The following STK32B variants were observed in gnomAD, a reference collection of about 807,000 sequenced individuals.
STK32B encodes serine/threonine kinase 32B.
Under a neutral mutation model 52.6 loss-of-function variants are expected in STK32B, and 43 were observed. The observed-to-expected ratio is 0.82, with a 90% CI of 0.64 to 1.05. The LOEUF is 1.05. STK32B is among the 50% of genes least tolerant of loss of function. The pLI, the probability that STK32B is intolerant of heterozygous loss-of-function variation, is 0.00. For synonymous variants in STK32B, 238 were observed against 204.3 expected (o/e 1.17, Z -1.41); for missense variants, 621 against 534.6 (o/e 1.16, Z -1.59).
intron 3 of STK32B, among the ~76,000 whole-genome samples, chr4:5,306,934 CTG>C (rs1317537168): frequency 1.3e-5 from 2 of 151,960 alleles, no homozygotes; most frequent in East Asian, 3.9e-4. Flanking sequence ...TGGCTGAAAA[CTG>C]TTTTGTTTAA....
chr4:5,063,074 G>A (rs1232468767), intron 1 of STK32B, among the ~76,000 whole-genome samples: 1 of 152,022 alleles, frequency 6.6e-6, no homozygotes, highest in Non-Finnish European at 1.5e-5. Context: ...TATGTCTCCT[G>A]TTGCATATAT....
At chr4:5,409,292 G>A (rs1380652894) in intron 5 of STK32B, among the ~76,000 whole-genome samples, 5 of 152,104 alleles carry the variant, frequency 3.3e-5, no homozygotes, top group Non-Finnish European at 7.3e-5. Context: ...AGGATGCTAA[G>A]TGTGAGAATC....
Position 5,400,446 on chromosome 4 carries a change from G to A in STK32B, c.472+2202G>A, listed in dbSNP as rs1304364865. On this transcript the variant is annotated intron_variant, in intron 5 of 11. Transcript: ENST00000282908. The surrounding 1 kb of genome is among the most constrained non-coding windows in gnomAD (Gnocchi z 6.1). ...CCCAGCCCTGCCTTCTGGCTATGCA[G>A]CACCCCACACACTCCCCAAGTGCCC... Among the ~76,000 whole-genome samples, 3 of 152,002 alleles carry A rather than the reference G, an allele frequency of 2.0e-5. No individual in the cohort carries two copies. The highest frequency in any genetic ancestry group is 7.2e-5 in the African/African-American group (3 of 41,390).
At chr4:5,455,069 G>A (rs1481239574) in intron 7 of STK32B, among the ~76,000 whole-genome samples, 1 of 152,094 alleles carries the variant, frequency 6.6e-6, no homozygotes, top group African/African-American at 2.4e-5. Context: ...TGCCACTCAG[G>A]AAAAAAAGCT....
chr4:5,325,998 G>GC (rs1731850208), intron 3 of STK32B, among the ~76,000 whole-genome samples: 1 of 152,196 alleles, frequency 6.6e-6, no homozygotes, highest in African/African-American at 2.4e-5. Flanking sequence ...TGGATCTGCA[G>GC]CAAGAAAAAG....
intron 3 of STK32B, among the ~76,000 whole-genome samples, chr4:5,240,757 G>T (rs954931001): frequency 3.9e-5 from 6 of 152,268 alleles, no homozygotes; most frequent in Admixed American, 3.9e-4. Flanking sequence ...ACTGTTCCTG[G>T]CTTAATACAG....
intron 6 of STK32B, among the ~76,000 whole-genome samples, chr4:5,437,336 G>T (rs4689233): frequency 0.094 from 14,280 of 152,316 alleles, 1,022 homozygotes; most frequent in East Asian, 0.4. Context: ...AGGGCCATGT[G>T]CCCTCAGAAG....
chr4:5,486,512 C>T (rs911938868), intron 11 of STK32B, among the ~76,000 whole-genome samples: 1 of 152,236 alleles, frequency 6.6e-6, no homozygotes, highest in Non-Finnish European at 1.5e-5. Context: ...AAAGGGAATT[C>T]CCTGACTTCT....
chr4:5,389,954 C>T (rs555693264), intron 4 of STK32B, among the ~76,000 whole-genome samples: 51 of 151,812 alleles, frequency 3.4e-4, no homozygotes, highest in Non-Finnish European at 2.1e-4. Context: ...GTGGGAGTGC[C>T]GCAAGGGGGT....
intron 4 of STK32B, among the ~76,000 whole-genome samples, chr4:5,361,287 C>T (rs567542735): frequency 4.4e-4 from 67 of 152,222 alleles, no homozygotes; most frequent in Non-Finnish European, 5.4e-4. Flanking sequence ...CTTAAATGTA[C>T]AGATATCTCT....
At chr4:5,385,967 C>T (rs1228629224) in intron 4 of STK32B, among the ~76,000 whole-genome samples, 1 of 139,708 alleles carries the variant, frequency 7.2e-6, no homozygotes, top group Non-Finnish European at 1.5e-5. Context: ...CCACAGCCCC[C>T]ACTCACAGCT....
chr4:5,266,668 T>C (rs1727076311), intron 3 of STK32B, among the ~76,000 whole-genome samples: 1 of 152,220 alleles, frequency 6.6e-6, no homozygotes, highest in African/African-American at 2.4e-5. Flanking sequence ...TTATCTCTCT[T>C]AGCTTGGCTT....
At chr4:5,487,428 A>C (rs1719319420) in intron 11 of STK32B, among the ~76,000 whole-genome samples, 2 of 152,220 alleles carry the variant, frequency 1.3e-5, no homozygotes, top group Admixed American at 1.3e-4. Flanking sequence ...ATAAATGATT[A>C]ACAACAACAC....
chr4:5,294,926 C>T (rs187750249), intron 3 of STK32B, among the ~76,000 whole-genome samples: 4 of 151,956 alleles, frequency 2.6e-5, no homozygotes, highest in Admixed American at 2.0e-4. Flanking sequence ...AAATACCTCT[C>T]ATTATTTTGA....
chr4:5,173,974 A>G (rs896439056), intron 3 of STK32B, among the ~76,000 whole-genome samples: 17 of 152,132 alleles, frequency 1.1e-4, no homozygotes, highest in South Asian at 8.3e-4. Flanking sequence ...CTTGCTTTAT[A>G]AATCTGGGTG....
At chr4:5,232,752 C>A (rs1352987621) in intron 3 of STK32B, among the ~76,000 whole-genome samples, 1 of 152,170 alleles carries the variant, frequency 6.6e-6, no homozygotes, top group East Asian at 1.9e-4. Flanking sequence ...GGGTGCTGGA[C>A]AGCTCTCCTT....
At chr4:5,118,207 A>AT (rs1714841848) in intron 1 of STK32B, among the ~76,000 whole-genome samples, 1 of 151,878 alleles carries the variant, frequency 6.6e-6, no homozygotes, top group African/African-American at 2.4e-5. Context: ...TGCTAGGGGA[A>AT]TTTTTTCTTC....
At chr4:5,118,386 G>C (rs886741265) in intron 1 of STK32B, among the ~76,000 whole-genome samples, 4 of 152,156 alleles carry the variant, frequency 2.6e-5, no homozygotes, top group Non-Finnish European at 4.4e-5. Context: ...TTGTATTTCT[G>C]TGGCATCAGT....
At chr4:5,484,822 G>T (rs915573825) in intron 11 of STK32B, among the ~76,000 whole-genome samples, 1 of 152,140 alleles carries the variant, frequency 6.6e-6, no homozygotes, top group Non-Finnish European at 1.5e-5. Flanking sequence ...TGTCTGTAAA[G>T]TATTTTATTT....
Sources: gnomAD v4.1 joint callset for allele counts (sites outside exome capture counted in the v4.1 genomes callset) on GRCh38, gnomAD v4.1.1 for gene constraint, Gnocchi (gnomAD v3.1) non-coding constraint, MANE v1.5 for transcripts, NCBI Gene and HGNC (gene_info 2026-07-23, HGNC 2026-07-21) for gene names.